LHX9: variants seen among roughly 807,000 people sequenced by gnomAD.
The protein encoded by LHX9 is LIM/homeobox protein Lhx9.
A neutral mutation model predicts 36.5 loss-of-function variants in LHX9; 9 were observed. The observed-to-expected ratio is 0.25, with a 90% confidence interval of 0.15 to 0.43. The LOEUF (loss-of-function observed/expected upper bound fraction) is 0.43. LHX9 is among the 20% of genes least tolerant of loss of function. LHX9 has a pLI of 1.00. For missense variants in LHX9, 464 were observed against 526.4 expected (o/e 0.88, Z 1.16); for synonymous variants, 211 against 212.1 (o/e 0.99, Z 0.04).
upstream of LHX9, among the ~76,000 whole-genome samples, chr1:197,913,637 C>A (rs985219869): frequency 6.6e-6 from 1 of 152,168 alleles, no homozygotes; most frequent in Non-Finnish European, 1.5e-5. Flanking sequence ...CGGCACTGAA[C>A]GCATGGTTCC....
intron 3 of LHX9, among the ~76,000 whole-genome samples, chr1:197,922,663 A>G (rs2102597246): frequency 6.6e-6 from 1 of 152,304 alleles, no homozygotes; most frequent in East Asian, 1.9e-4. Context: ...GAGCCTAAGG[A>G]CCTTAACTGC....
rs1156522966 is a variant in LHX9 at position 197,929,373 on chromosome 1, T to C, written c.*114T>C. The stretch of plus-strand genomic sequence containing the variant: ...TTTTTTCTTCTAACCCACAAGATAT[T>C]TGGGGAATAAAAATAACAGCTTGGT... On this transcript the variant is annotated 3_prime_UTR_variant, in exon 5 of 5. Transcript: ENST00000367387. 1 of 1,193,406 alleles carries C rather than the reference T, an allele frequency of 8.4e-7. No individual in the cohort carries two copies. The highest frequency in any genetic ancestry group is 1.0e-6 in the Non-Finnish European group (1 of 967,236). The allele number at this position is 1,193,406 out of a possible 1,614,324, so 73.9% of individuals were successfully genotyped here. A position where few individuals can be genotyped will look rare whatever the true frequency, so the allele number is the denominator to read the frequency against.
At chr1:197,918,060 G>T in intron 1 of LHX9, 63 bp downstream of exon 1, 1 of 1,550,642 alleles carries the variant, frequency 6.4e-7, no homozygotes, top group Non-Finnish European at 8.7e-7. Context: ...AAACCAAGCC[G>T]ACTCCCTGGC....
Position 197,929,229 on chromosome 1 carries a change from C to A in LHX9, c.1164C>A (p.Pro388=). ...TGGACAGCCACGAATCCGGAAGCCC[C>A]TCACAAACTACCTTAACAAACCTTT... ...SNMDSHESGS[P]SQTTLTNLF is the part of the protein sequence containing the mutation. The change falls in exon 5 of 5, where the codon CCC becomes CCA. Residue 388 remains proline, a synonymous_variant. Transcript: ENST00000367387. 1 of 1,532,606 alleles carries A rather than the reference C, an allele frequency of 6.5e-7. No homozygotes were observed. The highest frequency in any genetic ancestry group is 8.8e-7 in the Non-Finnish European group (1 of 1,136,688). The allele number at this position is 1,532,606 out of a possible 1,614,324, so 94.9% of individuals were successfully genotyped here. A position where few individuals can be genotyped will look rare whatever the true frequency, so the allele number is the denominator to read the frequency against.
rs1323639217 is a variant in LHX9, at chr1:197,929,238, T to C, written c.1173T>C (p.Thr391=). ...ACGAATCCGGAAGCCCCTCACAAAC[T>C]ACCTTAACAAACCTTTTCTAACATT... is the stretch of plus-strand genomic sequence containing the variant. ...DSHESGSPSQ[T]TLTNLF The change falls in exon 5 of 5, where the codon ACT becomes ACC. Residue 391 remains threonine (T), a synonymous_variant. Coordinates refer to ENST00000367387, the MANE Select transcript of LHX9 (RefSeq NM_020204.3). The C allele has an allele frequency of 2.0e-6, 3 of 1,486,198 alleles. No individual in the cohort carries two copies. The highest frequency in any genetic ancestry group is 2.7e-6 in the Non-Finnish European group (3 of 1,114,442). 92.1% of individuals were successfully genotyped at this position (1,486,198 alleles called of 1,614,324 possible).
intron 3 of LHX9, among the ~76,000 whole-genome samples, chr1:197,926,812 G>C (rs897370011): frequency 2.6e-5 from 4 of 152,118 alleles, no homozygotes; most frequent in Non-Finnish European, 5.9e-5. Context: ...GGAAGTCTGG[G>C]CTCATTCTCT....
chr1:197,926,360 G>T (rs1053479941), intron 3 of LHX9, among the ~76,000 whole-genome samples: 9 of 152,084 alleles, frequency 5.9e-5, no homozygotes, highest in Admixed American at 5.2e-4. Flanking sequence ...TACAAGGCAG[G>T]ATGATCAGAT....
At chr1:197,916,654 G>A (rs2102589889), upstream of LHX9, 1 of 702,934 alleles carries the variant, frequency 1.4e-6, no homozygotes, top group East Asian at 2.7e-5. Flanking sequence ...AAAGAAAATT[G>A]TTTTGCCAAA....
upstream of LHX9, among the ~76,000 whole-genome samples, chr1:197,914,697 C>G (rs1659701298): frequency 6.6e-6 from 1 of 152,108 alleles, no homozygotes; most frequent in African/African-American, 2.4e-5. Context: ...GCAGAGCTAA[C>G]AAGGACCTCC....
chr1:197,921,643 C>G lies in LHX9; in HGVS notation c.717C>G (p.Ile239Met), dbSNP rs201684330. Reference protein sequence around the residue: ...KRKSPALGVDIVNYNSGCNEN... With the variant: ...KRKSPALGVDMVNYNSGCNEN... Reference sequence around the variant, plus strand: ...AGAGCCCAGCGCTGGGAGTGGACATCGTCAATTACAACTCAGGTGTGCCTC... The same window carrying G: ...AGAGCCCAGCGCTGGGAGTGGACATGGTCAATTACAACTCAGGTGTGCCTC... The change falls in exon 3 of 5, where the codon ATC becomes ATG. Residue 239 changes from isoleucine to methionine, a missense_variant. By Grantham distance (10) the Ile-to-Met change is conservative. This residue lies in a region of LHX9 where 130 missense variants were observed against 109.6 expected (regional missense o/e 1.19). Transcript: ENST00000367387. This position sits in a 1 kb window ranked among gnomAD's most constrained non-coding sequence, Gnocchi z 4.6. The G allele has an allele frequency of 6.9e-6, 11 of 1,588,266 alleles. No homozygotes were observed. Among genetic ancestry groups the G allele is most frequent in the Middle Eastern group, 1.7e-4 (1 of 6,016 alleles).
rs1310673159 is a variant in LHX9, at chr1:197,932,296, A to T, written c.*3037A>T. The T allele has an allele frequency of 8.6e-6, 2 of 233,638 alleles. No individual in the cohort carries two copies. Among genetic ancestry groups the T allele is most frequent in the Admixed American group, 5.2e-5 (1 of 19,364 alleles). The allele number at this position is 233,638 out of a possible 1,614,324, so 14.5% of individuals were successfully genotyped here. A position where few individuals can be genotyped will look rare whatever the true frequency, so the allele number is the denominator to read the frequency against. On this transcript the variant is annotated 3_prime_UTR_variant, in exon 5 of 5. Coordinates refer to ENST00000367387, the MANE Select transcript of LHX9 (RefSeq NM_020204.3). ...AAAATTTCACACATTTGTCAAGCAC[A>T]GTTGTAAAATAAAGTCCAAAACATT... is the stretch of plus-strand genomic sequence containing the variant.
At chr1:197,913,185 A>G (rs1659666421), upstream of LHX9, 1 of 153,042 alleles carries the variant, frequency 6.5e-6, no homozygotes, top group Non-Finnish European at 1.5e-5. Context: ...TTTGGGGAGA[A>G]GAGCCCAGGG....
At chr1:197,924,296 A>G (rs1660083315) in intron 3 of LHX9, among the ~76,000 whole-genome samples, 1 of 152,274 alleles carries the variant, frequency 6.6e-6, no homozygotes, top group Non-Finnish European at 1.5e-5. Context: ...TAAGGTTGAT[A>G]CTAAACTAAG....
upstream of LHX9, among the ~76,000 whole-genome samples, chr1:197,913,759 C>T (rs1659678142): frequency 6.6e-6 from 1 of 152,312 alleles, no homozygotes; most frequent in South Asian, 2.1e-4. Context: ...GCTCCTTAAC[C>T]AGCTTAACAG....
chr1:197,917,161 C>T (rs992517325), upstream of LHX9: 1 of 871,494 alleles, frequency 1.1e-6, no homozygotes, highest in Non-Finnish European at 1.4e-6. Context: ...GTAAATGCCC[C>T]CTCCTCCTGC....
At chr1:197,917,305 C>T (rs1400422325), upstream of LHX9, 2 of 1,242,972 alleles carry the variant, frequency 1.6e-6, no homozygotes, top group African/African-American at 1.6e-5. Context: ...AGAACTCCTC[C>T]TACTAAATTA....
Position 197,931,686 on chromosome 1 carries a change from A to G in LHX9, c.*2427A>G. The G allele has an allele frequency of 2.4e-6, 1 of 412,278 alleles. No individual in the cohort carries two copies. Among genetic ancestry groups the G allele is most frequent in the Non-Finnish European group, 4.4e-6 (1 of 227,600 alleles). The allele number at this position is 412,278 out of a possible 1,614,324, so 25.5% of individuals were successfully genotyped here. On this transcript the variant is annotated 3_prime_UTR_variant, in exon 5 of 5. Transcript: ENST00000367387. ...TCAACCTAGAAATACCTTTGAATAT[A>G]TTTGCTTATAACAAAAGTAATGCCC... is the stretch of plus-strand genomic sequence containing the variant.
chr1:197,912,477 T>C, upstream of LHX9: 1 of 1,605,746 alleles, frequency 6.2e-7, no homozygotes, highest in South Asian at 1.1e-5. Flanking sequence ...ACTCCCGGCT[T>C]TTCTCTGCCA....
intron 3 of LHX9, among the ~76,000 whole-genome samples, chr1:197,923,554 T>A (rs1159958879): frequency 6.6e-6 from 1 of 151,522 alleles, no homozygotes; most frequent in African/African-American, 2.4e-5. Flanking sequence ...ACTAGTGAGT[T>A]TTTTTTTGAA....
Sources: gnomAD v4.1 joint callset for allele counts (sites outside exome capture counted in the v4.1 genomes callset) on GRCh38, gnomAD v4.1.1 for gene constraint, gnomAD v4.1.1 regional missense constraint, Gnocchi (gnomAD v3.1) non-coding constraint, MANE v1.5 for transcripts, NCBI Gene and HGNC (gene_info 2026-07-23, HGNC 2026-07-21) for gene names.